The following CFL2 variants were observed in gnomAD, a reference collection of about 807,000 sequenced individuals.
CFL2 encodes the protein cofilin 2, also known as cofilin-2.
Under a neutral mutation model 19.6 loss-of-function variants are expected in CFL2, and 10 were observed. The ratio of observed to expected loss-of-function variants is 0.51; its 90% CI spans 0.31 to 0.86. CFL2 has a LOEUF of 0.86. Among genes scored for constraint, CFL2 ranks in the 40% least tolerant of loss-of-function variants. The probability of loss-of-function intolerance (pLI) is 0.04; values close to 1 mark genes in which losing one functional copy is unlikely to be tolerated. For synonymous variants in CFL2, 63 were observed against 66.7 expected (o/e 0.95, Z 0.27); for missense variants, 125 against 192.1 (o/e 0.65, Z 2.06).
Position 34,712,096 on chromosome 14 carries a change from T to G in CFL2, c.*769A>C. The G allele has an allele frequency of 2.2e-6, 1 of 454,526 alleles. No individual in the cohort carries two copies. Among genetic ancestry groups the G allele is most frequent in the South Asian group, 1.6e-5 (1 of 64,452 alleles). 28.2% of individuals were successfully genotyped at this position (454,526 alleles called of 1,614,324 possible). ...CTCAAAACAATGTTCCATTTAAGGC[T>G]CTTTTATACAGAAATTGCCATCATG... is the stretch of plus-strand genomic sequence containing the variant. On this transcript the variant is annotated 3_prime_UTR_variant, in exon 4 of 4. Transcript: ENST00000298159.
rs2138474233 is a variant in CFL2 at position 34,713,261 on chromosome 14, T to C, written c.304A>G (p.Ile102Val). The change falls in exon 2 of 4, where the codon ATA becomes GTA. Residue 102 changes from isoleucine to valine, a missense_variant. Physicochemically the swap from Ile to Val is conservative, Grantham distance 29. Coordinates refer to ENST00000298159, the MANE Select transcript of CFL2 (RefSeq NM_138638.5). ...KESKKEDLVF[I>V]FWAPESAPLK... Reference sequence around the variant, plus strand: ...TCTTTTGTTTTTACACACCAGAATATAAATACTAGGTCTTCTTTCTTAGAC... The same window carrying C: ...TCTTTTGTTTTTACACACCAGAATACAAATACTAGGTCTTCTTTCTTAGAC... 1.2e-6 allele frequency: 2 copies of C among 1,611,370 alleles called. No homozygotes were observed. Among genetic ancestry groups the C allele is most frequent in the Non-Finnish European group, 1.7e-6 (2 of 1,178,308 alleles).
In CFL2 at chr14:34,712,522, A is replaced by G; in HGVS notation, c.*343T>C. Reference sequence around the variant, plus strand: ...ATCTGACCAGTGGATAATACTTTCAAGGCATTCAATTAGCTTATCCTTTGC... The same window carrying G: ...ATCTGACCAGTGGATAATACTTTCAGGGCATTCAATTAGCTTATCCTTTGC... On this transcript the variant is annotated 3_prime_UTR_variant, in exon 4 of 4. Transcript: ENST00000298159. 2.1e-6 allele frequency: 1 copy of G among 472,352 alleles called. No homozygotes were observed. Among genetic ancestry groups the G allele is most frequent in the Non-Finnish European group, 4.2e-6 (1 of 239,128 alleles). The allele number at this position is 472,352 out of a possible 1,614,324, so 29.3% of individuals were successfully genotyped here. A position where few individuals can be genotyped will look rare whatever the true frequency, so the allele number is the denominator to read the frequency against.
Position 34,712,383 on chromosome 14 carries a change from G to A in CFL2, c.*482C>T, listed in dbSNP as rs765286488. The A allele has an allele frequency of 5.3e-5, 24 of 454,548 alleles. No individual in the cohort carries two copies. The highest frequency in any genetic ancestry group is 9.3e-5 in the Non-Finnish European group (21 of 226,932). The allele number at this position is 454,548 out of a possible 1,614,324, so 28.2% of individuals were successfully genotyped here. A position where few individuals can be genotyped will look rare whatever the true frequency, so the allele number is the denominator to read the frequency against. On this transcript the variant is annotated 3_prime_UTR_variant, in exon 4 of 4. Transcript: ENST00000298159. ...GCTTTTAATGCATAGTGTTATATCC[G>A]TGCTGCCATATCACTAAAATAGGCT...
Position 34,714,528 on chromosome 14 carries a change from C to T in CFL2, c.3+10G>A, listed in dbSNP as rs376942478. Reference sequence around the variant, plus strand: ...TCGCCGCGGCCTCCCGGCCAGCGCGCTCGTCTTACCATAGTGCCCTCGGCT... The same window carrying T: ...TCGCCGCGGCCTCCCGGCCAGCGCGTTCGTCTTACCATAGTGCCCTCGGCT... On this transcript the variant is annotated intron_variant, in intron 1 of 3. Transcript: ENST00000298159. 22 of 1,584,648 alleles carry T rather than the reference C, an allele frequency of 1.4e-5. No homozygotes were observed. The highest frequency in any genetic ancestry group is 3.5e-5 in the Admixed American group (2 of 57,486).
chr14:34,714,277 C>A, intron 1 of CFL2: 1 of 473,012 alleles, frequency 2.1e-6, no homozygotes, highest in Non-Finnish European at 3.6e-6. Flanking sequence ...CGCAGACCCT[C>A]TCGCGCCCCC....
chr14:34,712,129 T>C lies in CFL2; in HGVS notation c.*736A>G, dbSNP rs773679022. On this transcript the variant is annotated 3_prime_UTR_variant, in exon 4 of 4. Coordinates refer to ENST00000298159, the MANE Select transcript of CFL2 (RefSeq NM_138638.5). ...ACAGAAATTGCCATCATGACTGATATTCAAAATATCTTTAGTGTTGCAGGA... is the reference window on the plus strand; with the variant it reads ...ACAGAAATTGCCATCATGACTGATACTCAAAATATCTTTAGTGTTGCAGGA... 5 of 454,424 alleles carry C rather than the reference T, an allele frequency of 1.1e-5. No individual in the cohort carries two copies. Among genetic ancestry groups the C allele is most frequent in the Non-Finnish European group, 2.2e-5 (5 of 226,780 alleles). 28.1% of individuals were successfully genotyped at this position (454,424 alleles called of 1,614,324 possible). A position where few individuals can be genotyped will look rare whatever the true frequency, so the allele number is the denominator to read the frequency against.
Position 34,712,430 on chromosome 14 carries a change from T to C in CFL2, c.*435A>G. 1 of 455,508 alleles carries C rather than the reference T, an allele frequency of 2.2e-6. No homozygotes were observed. Among genetic ancestry groups the C allele is most frequent in the South Asian group, 1.6e-5 (1 of 64,484 alleles). 28.2% of individuals were successfully genotyped at this position (455,508 alleles called of 1,614,324 possible). A position where few individuals can be genotyped will look rare whatever the true frequency, so the allele number is the denominator to read the frequency against. ...GGCTTGCCAAGGCAGGTGAGGTGTATGAATGCTCAAGCCTCACAGAACTGC... is the reference window on the plus strand; with the variant it reads ...GGCTTGCCAAGGCAGGTGAGGTGTACGAATGCTCAAGCCTCACAGAACTGC... On this transcript the variant is annotated 3_prime_UTR_variant, in exon 4 of 4. Coordinates refer to ENST00000298159, the MANE Select transcript of CFL2 (RefSeq NM_138638.5).
In CFL2 at chr14:34,712,016, T is replaced by C. The variant is rs1338809788; in HGVS notation, c.*849A>G. ...AGGAAAACAAGGCAACGTTCTGTAA[T>C]ATGCCACAATTTTTATTGCAACGTG... On this transcript the variant is annotated 3_prime_UTR_variant, in exon 4 of 4. Transcript: ENST00000298159. 2.2e-6 allele frequency: 1 copy of C among 454,568 alleles called. No homozygotes were observed. The highest frequency in any genetic ancestry group is 2.3e-5 in the Admixed American group (1 of 42,572). The allele number at this position is 454,568 out of a possible 1,614,324, so 28.2% of individuals were successfully genotyped here.
rs1312292393 is a variant in CFL2 at position 34,710,641 on chromosome 14, T to A, written c.*2224A>T. On this transcript the variant is annotated 3_prime_UTR_variant, in exon 4 of 4. Transcript: ENST00000298159. ...TCTCAAATAACAAGTGAACTATTAT[T>A]AATTTTATCTCTTTTTTTGGCTCTA... The A allele has an allele frequency of 4.6e-6, 2 of 438,168 alleles. No homozygotes were observed. Among genetic ancestry groups the A allele is most frequent in the Non-Finnish European group, 9.0e-6 (2 of 221,408 alleles). The allele number at this position is 438,168 out of a possible 1,614,324, so 27.1% of individuals were successfully genotyped here.
intron 1 of CFL2, 165 bp downstream of exon 1, chr14:34,714,373 G>C: frequency 2.5e-6 from 3 of 1,203,588 alleles, no homozygotes; most frequent in Non-Finnish European, 3.3e-6. Context: ...GGCAGGGCCT[G>C]ACGGCCGGAG....
At position 34,710,561 on chromosome 14, in the gene CFL2, TTGA is replaced by T; in HGVS notation, c.*2301_*2303del. 1 of 432,962 alleles carries T rather than the reference TTGA, an allele frequency of 2.3e-6. No homozygotes were observed. Among genetic ancestry groups the T allele is most frequent in the Non-Finnish European group, 4.6e-6 (1 of 218,490 alleles). 26.8% of individuals were successfully genotyped at this position (432,962 alleles called of 1,614,324 possible). ...ATACCTTTTAAAGCTAACTGGAACA[TTGA>T]TTCATTATAAATGATTGTAAAATAA... On this transcript the variant is annotated 3_prime_UTR_variant, in exon 4 of 4. Coordinates refer to ENST00000298159, the MANE Select transcript of CFL2 (RefSeq NM_138638.5).
At position 34,710,201 on chromosome 14, in the gene CFL2, T is replaced by C. The variant is rs1885236926; in HGVS notation, c.*2664A>G. 5.3e-6 allele frequency: 1 copy of C among 188,498 alleles called. No homozygotes were observed. Among genetic ancestry groups the C allele is most frequent in the Admixed American group, 5.6e-5 (1 of 17,734 alleles). The allele number at this position is 188,498 out of a possible 1,614,324, so 11.7% of individuals were successfully genotyped here. A position where few individuals can be genotyped will look rare whatever the true frequency, so the allele number is the denominator to read the frequency against. ...CTGGCCACACTATTTTAGATAATGA[T>C]GGAAAACAACAGCTGATAGCCAGTT... On this transcript the variant is annotated 3_prime_UTR_variant, in exon 4 of 4. Coordinates refer to ENST00000298159, the MANE Select transcript of CFL2 (RefSeq NM_138638.5).
At chr14:34,714,416 G>A (rs1194163318) in intron 1 of CFL2, 122 bp downstream of exon 1, 8 of 1,403,134 alleles carry the variant, frequency 5.7e-6, no homozygotes, top group Non-Finnish European at 7.5e-6. Context: ...CAGCGGAGCC[G>A]CAGAGCAGAA....
chr14:34,711,037 G>A lies in CFL2; in HGVS notation c.*1828C>T. On this transcript the variant is annotated 3_prime_UTR_variant, in exon 4 of 4. Coordinates refer to ENST00000298159, the MANE Select transcript of CFL2 (RefSeq NM_138638.5). ...GAAGCCTGAAATAAAATTGCTCAGT[G>A]CAAAAAGATCCCAAACCATTCATAT... 2.2e-6 allele frequency: 1 copy of A among 453,982 alleles called. No homozygotes were observed. The highest frequency in any genetic ancestry group is 4.4e-6 in the Non-Finnish European group (1 of 226,774). 28.1% of individuals were successfully genotyped at this position (453,982 alleles called of 1,614,324 possible).
At chr14:34,714,119 C>G (rs1490037850) in intron 1 of CFL2, 4 of 375,278 alleles carry the variant, frequency 1.1e-5, no homozygotes, top group Non-Finnish European at 1.9e-5. Flanking sequence ...AGTGTTTTCC[C>G]TCTTCCTTAA....
chr14:34,713,956 TAA>T (rs567743599), intron 1 of CFL2: 16 of 777,530 alleles, frequency 2.1e-5, no homozygotes, highest in African/African-American at 1.4e-4. Context: ...TTTTTTTCTT[TAA>T]AGTCATCCTA....
chr14:34,714,423 A>G, intron 1 of CFL2, 115 bp downstream of exon 1: 1 of 1,437,222 alleles, frequency 7.0e-7, no homozygotes, highest in Non-Finnish European at 9.2e-7. Context: ...GCCGCAGAGC[A>G]GAAGCGCCCA....
rs907976847 is a variant in CFL2, at chr14:34,712,475, A to G, written c.*390T>C. On this transcript the variant is annotated 3_prime_UTR_variant, in exon 4 of 4. Transcript: ENST00000298159. Reference sequence around the variant, plus strand: ...AACTGCAATCAAGTGCCAACTATAAATAATACTGAAAAAAGTTGACCATCT... The same window carrying G: ...AACTGCAATCAAGTGCCAACTATAAGTAATACTGAAAAAAGTTGACCATCT... 9 of 457,856 alleles carry G rather than the reference A, an allele frequency of 2.0e-5. No homozygotes were observed. The highest frequency in any genetic ancestry group is 3.9e-5 in the Non-Finnish European group (9 of 229,214). The allele number at this position is 457,856 out of a possible 1,614,324, so 28.4% of individuals were successfully genotyped here.
At chr14:34,714,287 C>T (rs956360096) in intron 1 of CFL2, 5 of 499,132 alleles carry the variant, frequency 1.0e-5, no homozygotes, top group Non-Finnish European at 1.7e-5. Flanking sequence ...CTCGCGCCCC[C>T]GCCCGCCCGG....
Sources: allele counts gnomAD v4.1 joint callset, GRCh38; gene constraint gnomAD v4.1.1; transcripts MANE v1.5; gene names NCBI Gene and HGNC (gene_info 2026-07-23, HGNC 2026-07-21).